PANX1: variants seen among roughly 807,000 people sequenced by gnomAD.
The protein encoded by PANX1 is pannexin-1.
PANX1 carries 30 observed loss-of-function variants against 38.7 expected under a neutral mutation model. The ratio of observed to expected loss-of-function variants is 0.78; its 90% confidence interval spans 0.58 to 1.05. PANX1 has a LOEUF of 1.05. PANX1 is among the 50% of genes least tolerant of loss of function. The probability of loss-of-function intolerance (pLI) is 0.00; values close to 1 mark genes in which losing one functional copy is unlikely to be tolerated. For synonymous variants in PANX1, 230 were observed against 212.2 expected (o/e 1.08, Z -0.73); for missense variants, 551 against 517.2 (o/e 1.07, Z -0.63).
intron 1 of PANX1, among the ~76,000 whole-genome samples, chr11:94,135,580 A>G (rs895990080): frequency 6.6e-6 from 1 of 152,212 alleles, no homozygotes; most frequent in Non-Finnish European, 1.5e-5. Context: ...ATAATAGAAC[A>G]TCTTCAACTC....
chr11:94,162,964 T>A (rs1947063945), intron 2 of PANX1, among the ~76,000 whole-genome samples: 1 of 145,376 alleles, frequency 6.9e-6, no homozygotes, highest in African/African-American at 2.6e-5. Flanking sequence ...CTCAATCTCC[T>A]GGGTGTAAGG....
intron 1 of PANX1, among the ~76,000 whole-genome samples, chr11:94,131,950 G>A (rs1440089281): frequency 2.6e-5 from 4 of 152,146 alleles, no homozygotes; most frequent in African/African-American, 7.2e-5. Flanking sequence ...CTCAGGCCCC[G>A]GGAAGACACT....
At chr11:94,152,897 C>T (rs1946899737) in intron 1 of PANX1, among the ~76,000 whole-genome samples, 1 of 152,134 alleles carries the variant, frequency 6.6e-6, no homozygotes, top group Non-Finnish European at 1.5e-5. Context: ...GGGAGGTTTG[C>T]AGTCGTGAGC....
At chr11:94,167,852 A>G (rs1256832872) in intron 2 of PANX1, among the ~76,000 whole-genome samples, 1 of 152,256 alleles carries the variant, frequency 6.6e-6, no homozygotes, top group East Asian at 1.9e-4. Context: ...GAAAAAATAA[A>G]CATGGAAGAA....
In PANX1 at chr11:94,178,472, T is replaced by G; in HGVS notation, c.425T>G (p.Ile142Ser). 6.2e-7 allele frequency: 1 copy of G among 1,614,134 alleles called. No homozygotes were observed. The highest frequency in any genetic ancestry group is 8.5e-7 in the Non-Finnish European group (1 of 1,179,984). The part of the protein sequence containing the change: ...APHICSDLKF[I>S]MEELDKVYNR... ...CATATTTGCTCAGACTTGAAGTTTATCATGGAAGAACTTGACAAAGTTTAC... is the reference window on the plus strand; with the variant it reads ...CATATTTGCTCAGACTTGAAGTTTAGCATGGAAGAACTTGACAAAGTTTAC... The change falls in exon 3 of 5, where the codon ATC becomes AGC. Residue 142 changes from isoleucine to serine, a missense_variant. Ile to Ser is a moderately radical substitution (Grantham distance 142). Coordinates refer to ENST00000227638, the MANE Select transcript of PANX1 (RefSeq NM_015368.4).
intron 1 of PANX1, among the ~76,000 whole-genome samples, chr11:94,148,716 C>T (rs1220500033): frequency 6.6e-6 from 1 of 152,102 alleles, no homozygotes; most frequent in African/African-American, 2.4e-5. Flanking sequence ...GTGAATTAAA[C>T]CAATTTTTTG....
chr11:94,168,185 A>C (rs995664678), intron 2 of PANX1, among the ~76,000 whole-genome samples: 5 of 152,194 alleles, frequency 3.3e-5, no homozygotes, highest in Non-Finnish European at 7.4e-5. Context: ...TGGAAGGAAA[A>C]TACAGGCCCA....
intron 2 of PANX1, among the ~76,000 whole-genome samples, chr11:94,169,967 G>T (rs1469336525): frequency 6.6e-6 from 1 of 151,752 alleles, no homozygotes; most frequent in Admixed American, 6.6e-5. Flanking sequence ...GAATATTAGT[G>T]CATGGCTTTC....
chr11:94,162,867 C>T (rs1221593383), intron 2 of PANX1, among the ~76,000 whole-genome samples: 1 of 85,318 alleles, frequency 1.2e-5, no homozygotes, highest in African/African-American at 5.9e-5. Flanking sequence ...CTCCACCAAC[C>T]TCTCTTTTTT....
chr11:94,157,421 T>A (rs540923793), intron 2 of PANX1, among the ~76,000 whole-genome samples: 2 of 152,308 alleles, frequency 1.3e-5, no homozygotes, highest in East Asian at 3.9e-4. Context: ...TTTTTAATGA[T>A]CGCCATTCTA....
chr11:94,131,838 A>ATG (rs1946632892), intron 1 of PANX1, among the ~76,000 whole-genome samples: 1 of 152,162 alleles, frequency 6.6e-6, no homozygotes, highest in Non-Finnish European at 1.5e-5. Flanking sequence ...AGTTAGTAGT[A>ATG]TGCACTCAGC....
Position 94,179,698 on chromosome 11 carries a change from T to C in PANX1, c.642T>C (p.Ile214=), listed in dbSNP as rs758498168. Residue 214 remains isoleucine, a synonymous_variant, in exon 4 of 5, where the codon ATT becomes ATC. Transcript: ENST00000227638. ...KNSNNLIIKY[I]SCRLLTLIII... is the part of the protein sequence containing the mutation. Reference sequence around the variant, plus strand: ...CTAATAATTTAATCATCAAGTACATTAGCTGCCGCCTGCTGACACTCATCA... The same window carrying C: ...CTAATAATTTAATCATCAAGTACATCAGCTGCCGCCTGCTGACACTCATCA... 5.0e-6 allele frequency: 8 copies of C among 1,613,700 alleles called. No homozygotes were observed. The Admixed American group carries it at 6.7e-5, about 13-fold the overall frequency.
At chr11:94,161,702 A>G (rs899412650) in intron 2 of PANX1, among the ~76,000 whole-genome samples, 96 of 152,038 alleles carry the variant, frequency 6.3e-4, no homozygotes, top group African/African-American at 2.2e-3. Flanking sequence ...TGATCGTCTG[A>G]TGCCTTCTTC....
rs1394876767 is a variant in PANX1, at chr11:94,181,069, A to T, written c.*200A>T. 1 of 563,490 alleles carries T rather than the reference A, an allele frequency of 1.8e-6. No homozygotes were observed. Among genetic ancestry groups the T allele is most frequent in the Non-Finnish European group, 3.2e-6 (1 of 313,768 alleles). 34.9% of individuals were successfully genotyped at this position (563,490 alleles called of 1,614,324 possible). On this transcript the variant is annotated 3_prime_UTR_variant, in exon 5 of 5. Transcript: ENST00000227638. Reference sequence around the variant, plus strand: ...AATGGTTTATGAACTTCCCATAGGAAGCACCTGAGAGATAGTAAACTGCAG... The same window carrying T: ...AATGGTTTATGAACTTCCCATAGGATGCACCTGAGAGATAGTAAACTGCAG...
chr11:94,134,424 T>C (rs1221337681), intron 1 of PANX1, among the ~76,000 whole-genome samples: 1 of 152,204 alleles, frequency 6.6e-6, no homozygotes, highest in Non-Finnish European at 1.5e-5. Context: ...TCTAGAAGTA[T>C]TTCTCTAAAG....
At position 94,179,687 on chromosome 11, in the gene PANX1, A is replaced by G; in HGVS notation, c.631A>G (p.Ile211Val). Reference protein sequence around the residue: ...KTKKNSNNLIIKYISCRLLTL... With the variant: ...KTKKNSNNLIVKYISCRLLTL... ...AAAGAAAAATTCTAATAATTTAATC[A>G]TCAAGTACATTAGCTGCCGCCTGCT... Residue 211 changes from isoleucine to valine, a missense_variant, in exon 4 of 5, where the codon ATC becomes GTC. By Grantham distance (29) the Ile-to-Val change is conservative. Transcript: ENST00000227638. The G allele has an allele frequency of 6.2e-7, 1 of 1,613,696 alleles. No homozygotes were observed. The highest frequency in any genetic ancestry group is 8.5e-7 in the Non-Finnish European group (1 of 1,179,714).
intron 2 of PANX1, among the ~76,000 whole-genome samples, chr11:94,166,742 C>A (rs1206006700): frequency 1.3e-5 from 2 of 152,260 alleles, no homozygotes; most frequent in Non-Finnish European, 2.9e-5. Context: ...AGCCTGATAT[C>A]TAAGTTGCAA....
intron 2 of PANX1, among the ~76,000 whole-genome samples, chr11:94,164,964 A>T (rs1252416877): frequency 6.6e-6 from 1 of 152,034 alleles, no homozygotes; most frequent in African/African-American, 2.4e-5. Context: ...CTGTATTGAG[A>T]TTTATTTTAT....
rs886544217 is a variant in PANX1 at position 94,151,886 on chromosome 11, T to C, written c.182-1605T>C. On this transcript the variant is annotated intron_variant, in intron 1 of 4. Transcript: ENST00000227638. ...AGCCTCTTGCTGACAAGTCCTTTCTTGATGGCTGTGGGTGCACAGGCCCCT... is the reference window on the plus strand; with the variant it reads ...AGCCTCTTGCTGACAAGTCCTTTCTCGATGGCTGTGGGTGCACAGGCCCCT... Among the ~76,000 whole-genome samples, 23 of 152,212 alleles carry C rather than the reference T, an allele frequency of 1.5e-4. 1 individual carries two copies. The highest frequency in any genetic ancestry group is 1.4e-3 in the Admixed American group (21 of 15,288).
Sources: gnomAD v4.1 joint callset for allele counts (sites outside exome capture counted in the v4.1 genomes callset) on GRCh38, gnomAD v4.1.1 for gene constraint, MANE v1.5 for transcripts, NCBI Gene and HGNC (gene_info 2026-07-23, HGNC 2026-07-21) for gene names.